ERI1: variants seen among roughly 807,000 people sequenced by gnomAD.
ERI1 encodes exoribonuclease 1, also known as 3'-5' exoribonuclease 1.
A neutral mutation model predicts 39.7 loss-of-function variants in ERI1; 39 were observed. That is an observed-to-expected ratio of 0.98 (90% CI 0.76 to 1.28). The LOEUF is 1.28. Ranked by LOEUF, ERI1 falls within the 50% of genes most tolerant of loss-of-function variation. The pLI is 0.00. For synonymous variants in ERI1, 204 were observed against 149.6 expected (o/e 1.36, Z -2.65); for missense variants, 581 against 416.9 (o/e 1.39, Z -3.43).
At chr8:9,027,977 T>C (rs947122214) in intron 6 of ERI1, among the ~76,000 whole-genome samples, 2 of 152,230 alleles carry the variant, frequency 1.3e-5, no homozygotes, top group African/African-American at 4.8e-5. Flanking sequence ...AATTTGCTTA[T>C]ATTTTGTCAA....
chr8:9,064,009 C>T (rs543279399), intron 3 of ERI1, among the ~76,000 whole-genome samples: 125 of 151,818 alleles, frequency 8.2e-4, no homozygotes, highest in Non-Finnish European at 1.4e-3. Context: ...GGGTTCTTAC[C>T]CTCCAGAAAA....
chr8:9,065,876 T>G lies in ERI1; in HGVS notation n.299+45412T>G, dbSNP rs576239720. On this transcript the variant is annotated intron_variant and non_coding_transcript_variant, in intron 3 of 3. Coordinates refer to the ERI1 transcript ENST00000518663. ...TGCAAACTCATGTTGTGGTTTTGGG[T>G]GGGTGGTGGAGAGTGTGTCACCAGC... Among the ~76,000 whole-genome samples, 14 of 152,204 alleles carry G rather than the reference T, an allele frequency of 9.2e-5. No homozygotes were observed. In the South Asian group the frequency reaches 1.7e-3, roughly 18 times the overall value.
At chr8:9,024,667 GCCCCCCCTCGGCCTC>G (rs1563330754) in intron 6 of ERI1, among the ~76,000 whole-genome samples, 1 of 151,862 alleles carries the variant, frequency 6.6e-6, no homozygotes, top group African/African-American at 2.4e-5. Context: ...CAAATGATCT[GCCCCCCCTCGGCCTC>G]CTAAAGTGCT....
chr8:9,081,302 C>G (rs1585292361), intron 3 of ERI1, among the ~76,000 whole-genome samples: 1 of 152,114 alleles, frequency 6.6e-6, no homozygotes, highest in Non-Finnish European at 1.5e-5. Context: ...GAGATTCTTT[C>G]AAGATAATTA....
chr8:9,029,987 C>T lies in ERI1; in HGVS notation c.1003C>T (p.Pro335Ser). ...GQLMSVSSSL[P>S]IEGTPPPQMP... Reference sequence around the variant, plus strand: ...GCTAATGAGTGTGTCCTCTTCCTTACCAATAGAGGGCACTCCACCACCACA... The same window carrying T: ...GCTAATGAGTGTGTCCTCTTCCTTATCAATAGAGGGCACTCCACCACCACA... Residue 335 changes from proline (P) to serine (S), a missense_variant, in exon 7 of 7, where the codon CCA becomes TCA. Physicochemically the swap from Pro to Ser is moderately conservative, Grantham distance 74 (BLOSUM62 -1). Coordinates refer to ENST00000250263, the MANE Select transcript of ERI1 (RefSeq NM_153332.4). 6.2e-7 allele frequency: 1 copy of T among 1,613,754 alleles called. No individual in the cohort carries two copies.
chr8:9,026,084 T>C (rs953839969), intron 6 of ERI1, among the ~76,000 whole-genome samples: 1 of 152,182 alleles, frequency 6.6e-6, no homozygotes, highest in Admixed American at 6.5e-5. Context: ...TACACATAAA[T>C]TAAGCATGTG....
At chr8:9,048,957 C>G (rs1187574758) in intron 3 of ERI1, among the ~76,000 whole-genome samples, 2 of 152,030 alleles carry the variant, frequency 1.3e-5, no homozygotes, top group East Asian at 1.9e-4. Context: ...GCATTCTGTT[C>G]TTTATGCACC....
chr8:9,062,089 A>G (rs548957289), intron 3 of ERI1, among the ~76,000 whole-genome samples: 2 of 152,134 alleles, frequency 1.3e-5, no homozygotes, highest in Non-Finnish European at 2.9e-5. Flanking sequence ...AAATGGGGGA[A>G]TTGTAAGGGG....
At chr8:9,098,615 T>C (rs913381567) in intron 3 of ERI1, among the ~76,000 whole-genome samples, 1 of 152,014 alleles carries the variant, frequency 6.6e-6, no homozygotes, top group Non-Finnish European at 1.5e-5. Flanking sequence ...ACACCTTGGG[T>C]ACAGTGTACA....
At position 9,082,526 on chromosome 8, in the gene ERI1, C is replaced by G. The variant is rs6601287; in HGVS notation, n.300-33822C>G. Among the ~76,000 whole-genome samples, 534 of 152,212 alleles carry G rather than the reference C, an allele frequency of 3.5e-3. 4 individuals carry two copies. The highest frequency in any genetic ancestry group is 0.012 in the African/African-American group (514 of 41,522). ...TTCTTCCTTTGTTTCCTTTGAAGTC[C>G]ATATCTGTGTAAAAGATGCAACAGC... On this transcript the variant is annotated intron_variant and non_coding_transcript_variant, in intron 3 of 3. Transcript: ENST00000518663.
intron 3 of ERI1, among the ~76,000 whole-genome samples, chr8:9,012,734 G>A (rs913404733): frequency 6.6e-6 from 1 of 152,056 alleles, no homozygotes; most frequent in Non-Finnish European, 1.5e-5. Context: ...TGTCTATATT[G>A]CTCCCACTAC....
chr8:9,032,011 A>T lies in ERI1; in HGVS notation c.*1977A>T, dbSNP rs779845123. 6.6e-6 allele frequency: 1 copy of T among 151,720 alleles called. No homozygotes were observed. The highest frequency in any genetic ancestry group is 1.5e-5 in the Non-Finnish European group (1 of 67,996). 9.4% of individuals were successfully genotyped at this position (151,720 alleles called of 1,614,324 possible). Reference sequence around the variant, plus strand: ...GACCTCAAGTGATTTGCCCACCTTGACCTCCTACAGACGTGAGCCACTGCG... The same window carrying T: ...GACCTCAAGTGATTTGCCCACCTTGTCCTCCTACAGACGTGAGCCACTGCG... On this transcript the variant is annotated 3_prime_UTR_variant, in exon 7 of 7. Coordinates refer to ENST00000250263, the MANE Select transcript of ERI1 (RefSeq NM_153332.4).
chr8:9,061,343 A>G (rs1047269456), intron 3 of ERI1, among the ~76,000 whole-genome samples: 1 of 152,194 alleles, frequency 6.6e-6, no homozygotes, highest in African/African-American at 2.4e-5. Context: ...GGCCAGGAAC[A>G]ATGGTAATTG....
intron 3 of ERI1, among the ~76,000 whole-genome samples, chr8:9,089,819 AGAAAT>A (rs1373033339): frequency 2.6e-5 from 4 of 152,308 alleles, no homozygotes; most frequent in African/African-American, 4.8e-5. Context: ...TTTTCAGTGA[AGAAAT>A]GAAAGGTGTG....
At chr8:9,096,604 C>A (rs951315486) in intron 3 of ERI1, 33 of 151,840 alleles carry the variant, frequency 2.2e-4, no homozygotes, top group African/African-American at 7.7e-4. Context: ...GTCCAGCTGC[C>A]TGATGTTGAT....
chr8:9,047,202 C>A (rs547058524), intron 3 of ERI1, among the ~76,000 whole-genome samples: 1 of 152,138 alleles, frequency 6.6e-6, no homozygotes. Context: ...AGCCACCATC[C>A]CACACCTAAA....
At chr8:9,096,420 G>A (rs1398024118) in intron 3 of ERI1, among the ~76,000 whole-genome samples, 10 of 152,180 alleles carry the variant, frequency 6.6e-5, no homozygotes, top group Non-Finnish European at 1.3e-4. Flanking sequence ...CTTCTCTCAA[G>A]CCTTGAACCA....
At chr8:9,008,407 G>T (rs2117186325) in intron 2 of ERI1, among the ~76,000 whole-genome samples, 1 of 152,186 alleles carries the variant, frequency 6.6e-6, no homozygotes. Context: ...GTCTTATTAT[G>T]ACAAGAGTGT....
chr8:9,018,738 C>G (rs2117240794), intron 5 of ERI1, among the ~76,000 whole-genome samples: 1 of 152,324 alleles, frequency 6.6e-6, no homozygotes. Flanking sequence ...TCATCCCACG[C>G]TACCTGTTTA....
Sources: gnomAD v4.1 joint callset for allele counts (sites outside exome capture counted in the v4.1 genomes callset) on GRCh38, gnomAD v4.1.1 for gene constraint, MANE v1.5 for transcripts, NCBI Gene and HGNC (gene_info 2026-07-23, HGNC 2026-07-21) for gene names.